The following CEP128 variants were observed in gnomAD, a reference collection of about 807,000 sequenced individuals.
CEP128 encodes the protein centrosomal protein 128kDa.
In CEP128, 132 loss-of-function variants were observed where a neutral mutation model predicts 156.7. The observed-to-expected ratio is 0.84, with a 90% CI of 0.73 to 0.97. The LOEUF is 0.97. CEP128 is among the 50% of genes least tolerant of loss of function. CEP128 has a pLI of 0.00. For missense variants in CEP128, 1,252 were observed against 1,281.9 expected (o/e 0.98, Z 0.36); for synonymous variants, 469 against 448.9 (o/e 1.04, Z -0.57).
At chr14:80,866,854 A>G (rs1287037208) in intron 8 of CEP128, among the ~76,000 whole-genome samples, 1 of 152,220 alleles carries the variant, frequency 6.6e-6, no homozygotes, top group South Asian at 2.1e-4. Flanking sequence ...GTGAGCTACA[A>G]GAGAATACAG....
chr14:80,716,261 A>G (rs1897601319), intron 19 of CEP128, among the ~76,000 whole-genome samples: 2 of 152,210 alleles, frequency 1.3e-5, no homozygotes. Flanking sequence ...AAAGTGTACA[A>G]CCTGATGGCT....
chr14:80,534,289 A>T (rs1197783423), intron 21 of CEP128, among the ~76,000 whole-genome samples: 1 of 152,156 alleles, frequency 6.6e-6, no homozygotes, highest in African/African-American at 2.4e-5. Flanking sequence ...ACATTACTTA[A>T]GATTTCAAAA....
intron 8 of CEP128, among the ~76,000 whole-genome samples, chr14:80,883,037 CT>C (rs1555359532): frequency 6.6e-6 from 1 of 151,974 alleles, no homozygotes; most frequent in Non-Finnish European, 1.5e-5. Context: ...TTTAAAATAA[CT>C]AAAAGAGTAT....
intron 4 of CEP128, 49 bp downstream of exon 4, chr14:80,914,273 T>C: frequency 7.1e-7 from 1 of 1,401,994 alleles, no homozygotes; most frequent in Non-Finnish European, 1.0e-6. Context: ...AAACACTTCA[T>C]TCCCAAAAAG....
At chr14:80,679,307 T>C (rs981861786) in intron 19 of CEP128, among the ~76,000 whole-genome samples, 2 of 152,180 alleles carry the variant, frequency 1.3e-5, no homozygotes, top group African/African-American at 2.4e-5. Flanking sequence ...ATTTTTCTTC[T>C]TGCAGAGCGC....
At chr14:80,503,514 A>G (rs560815168) in intron 24 of CEP128, among the ~76,000 whole-genome samples, 5 of 152,316 alleles carry the variant, frequency 3.3e-5, no homozygotes, top group African/African-American at 9.6e-5. Flanking sequence ...TATGAAGGTC[A>G]TAATGGCAAA....
intron 19 of CEP128, among the ~76,000 whole-genome samples, chr14:80,676,988 A>T (rs773030839): frequency 6.6e-6 from 1 of 152,098 alleles, no homozygotes; most frequent in Admixed American, 6.6e-5. Flanking sequence ...TTTTGGTATC[A>T]GAATTATATT....
intron 17 of CEP128, among the ~76,000 whole-genome samples, chr14:80,758,329 C>T (rs1595357020): frequency 1.3e-5 from 2 of 152,246 alleles, no homozygotes; most frequent in South Asian, 4.2e-4. Context: ...CAAGACCAGC[C>T]TGGCCAACAT....
Position 80,541,443 on chromosome 14 carries a change from T to TAAAAAAAAAAAA in CEP128, c.2881-10569_2881-10558dup, listed in dbSNP as rs35523389. Among the ~76,000 whole-genome samples, 2 of 109,962 alleles carry TAAAAAAAAAAAA rather than the reference T, an allele frequency of 1.8e-5. 1 individual carries two copies. The highest frequency in any genetic ancestry group is 7.6e-5 in the African/African-American group (2 of 26,220). 72.1% of individuals were successfully genotyped at this position (109,962 alleles called of 152,430 possible). On this transcript the variant is annotated intron_variant, in intron 21 of 24. Transcript: ENST00000555265. ...CAGAAAGTGAAGCTAATGACTGTGTTAAAAAAAAAAAAAAAAAAAAAACCA... is the reference window on the plus strand; with the variant it reads ...CAGAAAGTGAAGCTAATGACTGTGTTAAAAAAAAAAAAAAAAAAAAAAAAAAAAAAAAAACCA...
intron 13 of CEP128, among the ~76,000 whole-genome samples, chr14:80,814,538 T>C (rs567487858): frequency 6.6e-6 from 1 of 152,252 alleles, no homozygotes; most frequent in African/African-American, 2.4e-5. Flanking sequence ...ATCTGGAAAC[T>C]GTCCTAAGGG....
chr14:80,586,008 A>G (rs1016135765), intron 19 of CEP128, among the ~76,000 whole-genome samples: 2 of 152,108 alleles, frequency 1.3e-5, no homozygotes, highest in African/African-American at 4.8e-5. Context: ...CATGCCAGAG[A>G]TAACGGGTCA....
chr14:80,956,060 C>T lies in CEP128; in HGVS notation c.-172+2118G>A, dbSNP rs1886659752. 6.3e-6 allele frequency: 4 copies of T among 633,178 alleles called. No individual in the cohort carries two copies. In the South Asian group the frequency reaches 7.3e-5, roughly 12 times the overall value. The allele number at this position is 633,178 out of a possible 1,614,324, so 39.2% of individuals were successfully genotyped here. ...AGGTATCATTGTTGACATCCTCATTCCCAACACAGGAAAATGTTACAAAAC... is the reference window on the plus strand; with the variant it reads ...AGGTATCATTGTTGACATCCTCATTTCCAACACAGGAAAATGTTACAAAAC... On this transcript the variant is annotated intron_variant, in intron 2 of 7. Coordinates refer to the CEP128 transcript ENST00000555529.
At chr14:80,720,202 T>C (rs1277389386) in intron 19 of CEP128, among the ~76,000 whole-genome samples, 1 of 152,016 alleles carries the variant, frequency 6.6e-6, no homozygotes, top group Non-Finnish European at 1.5e-5. Context: ...AAGGCCAGCA[T>C]AAAATGTGTC....
chr14:80,478,299 A>G (rs1450203100), exon 15 of CEP128: 1 of 136,782 alleles, frequency 7.3e-6, no homozygotes, highest in Non-Finnish European at 1.7e-5. Context: ...GAAGATAGGC[A>G]TAGCAAAACC....
chr14:80,819,384 C>A (rs1466718069), intron 13 of CEP128, among the ~76,000 whole-genome samples: 1 of 151,678 alleles, frequency 6.6e-6, no homozygotes, highest in Non-Finnish European at 1.5e-5. Context: ...GTAGCTGGGA[C>A]TACAGGTGCT....
chr14:80,809,311 G>T (rs1884367491), intron 13 of CEP128, among the ~76,000 whole-genome samples: 1 of 151,890 alleles, frequency 6.6e-6, no homozygotes, highest in Non-Finnish European at 1.5e-5. Flanking sequence ...CCTTTAAAAT[G>T]ATTCAATCAG....
At chr14:80,593,666 T>C (rs1892186471) in intron 19 of CEP128, among the ~76,000 whole-genome samples, 1 of 151,916 alleles carries the variant, frequency 6.6e-6, no homozygotes, top group East Asian at 1.9e-4. Context: ...CAAGCATTCC[T>C]ATACACCAAT....
intron 17 of CEP128, among the ~76,000 whole-genome samples, chr14:80,758,004 T>C (rs1899755929): frequency 6.6e-6 from 1 of 152,246 alleles, no homozygotes. Context: ...AGTTCTCTAC[T>C]ACATTGCTGA....
At chr14:80,816,960 T>TAAAAAAAAAA in intron 13 of CEP128, among the ~76,000 whole-genome samples, 1 of 144,358 alleles carries the variant, frequency 6.9e-6, no homozygotes, top group South Asian at 2.2e-4. Flanking sequence ...CGTTATTGTT[T>TAAAAAAAAAA]AAAAAAAAAA....
Sources: allele counts gnomAD v4.1 joint callset (sites outside exome capture counted in the v4.1 genomes callset), GRCh38; gene constraint gnomAD v4.1.1; transcripts MANE v1.5; gene names NCBI Gene and HGNC (gene_info 2026-07-23, HGNC 2026-07-21).